Variants in SEC11A observed in about 807,000 individuals in gnomAD.
SEC11A encodes signal peptidase complex catalytic subunit SEC11A.
In SEC11A, 14 loss-of-function variants were observed where a neutral mutation model predicts 25.6. The ratio of observed to expected loss-of-function variants is 0.55; its 90% CI spans 0.36 to 0.85. The LOEUF is 0.85. Among genes scored for constraint, SEC11A ranks in the 40% least tolerant of loss-of-function variants. SEC11A has a pLI of 0.01. For synonymous variants in SEC11A, 83 were observed against 76.4 expected (o/e 1.09, Z -0.45); for missense variants, 153 against 222.9 (o/e 0.69, Z 2.00).
chr15:84,694,246 T>G (rs1265340619), intron 1 of SEC11A, among the ~76,000 whole-genome samples: 1 of 151,502 alleles, frequency 6.6e-6, no homozygotes, highest in Non-Finnish European at 1.5e-5. Flanking sequence ...TCCCAGCTAC[T>G]CAAAAGGCTG....
intron 3 of SEC11A, among the ~76,000 whole-genome samples, chr15:84,685,320 T>C (rs1165295458): frequency 2.0e-5 from 3 of 152,198 alleles, no homozygotes; most frequent in East Asian, 1.9e-4. Flanking sequence ...TAAAGTGGCA[T>C]GATCTCGGCT....
At chr15:84,683,409 A>T (rs868235643) in intron 3 of SEC11A, among the ~76,000 whole-genome samples, 28 of 152,084 alleles carry the variant, frequency 1.8e-4, no homozygotes, top group African/African-American at 6.8e-4. Flanking sequence ...ACAAACAAAC[A>T]AACAAACAAA....
intron 2 of SEC11A, among the ~76,000 whole-genome samples, chr15:84,690,588 TC>T (rs1430647836): frequency 1.3e-5 from 2 of 149,820 alleles, no homozygotes; most frequent in East Asian, 4.0e-4. Flanking sequence ...CTGCACTCTA[TC>T]CTGGGTAACA....
chr15:84,697,498 G>A (rs1452584990), intron 1 of SEC11A, among the ~76,000 whole-genome samples: 1 of 152,098 alleles, frequency 6.6e-6, no homozygotes, highest in Admixed American at 6.6e-5. Context: ...TTCCTTAAAA[G>A]GTACCTATTT....
chr15:84,688,600 A>G (rs966685587), intron 2 of SEC11A, among the ~76,000 whole-genome samples: 5 of 152,244 alleles, frequency 3.3e-5, no homozygotes, highest in African/African-American at 1.2e-4. Flanking sequence ...AAGAATAGAA[A>G]GACAAGAAAT....
intron 3 of SEC11A, chr15:84,686,514 G>A (rs150079613): frequency 0.063 from 9,539 of 152,358 alleles, 353 homozygotes; most frequent in East Asian, 0.13. Flanking sequence ...AGAAGGCTGA[G>A]GCATGAGAAT....
intron 4 of SEC11A, among the ~76,000 whole-genome samples, chr15:84,680,301 A>G (rs976799069): frequency 5.9e-5 from 9 of 151,278 alleles, no homozygotes; most frequent in African/African-American, 2.2e-4. Context: ...ACTCCATCTC[A>G]AAAAAAAGAA....
intron 2 of SEC11A, among the ~76,000 whole-genome samples, chr15:84,689,678 G>A (rs183245613): frequency 1.1e-4 from 17 of 148,364 alleles, no homozygotes; most frequent in East Asian, 4.0e-4. Context: ...AGCGATCTCC[G>A]CTCACTGCAA....
intron 1 of SEC11A, among the ~76,000 whole-genome samples, chr15:84,694,582 T>C (rs955047981): frequency 2.6e-4 from 40 of 152,160 alleles, no homozygotes; most frequent in African/African-American, 9.4e-4. Context: ...TCATCTCTTC[T>C]AGCTATTCAT....
intron 2 of SEC11A, 96 bp from the exon 3 acceptor site, chr15:84,687,870 G>A (rs1316901139): frequency 6.8e-6 from 7 of 1,032,730 alleles, no homozygotes; most frequent in Non-Finnish European, 9.7e-6. Context: ...ATATCACTTT[G>A]GGAGTATACT....
rs1449149499 is a variant in SEC11A at position 84,687,739 on chromosome 15, A to C, written c.197T>G (p.Leu66Arg). Residue 66 changes from leucine (L) to arginine (R), a missense_variant, in exon 3 of 6, where the codon CTT (leucine) becomes CGT (arginine). Physicochemically the swap from Leu to Arg is moderately radical, Grantham distance 102 (BLOSUM62 -2). Transcript: ENST00000268220. ...TTCAACTCGATTTGTTAGAAAGAGA[A>C]GATCTCCTCTATGAAATGCAGGTTC... is the stretch of plus-strand genomic sequence containing the variant. ...SMEPAFHRGD[L>R]LFLTNRVEDP... 6.2e-7 allele frequency: 1 copy of C among 1,603,074 alleles called. No homozygotes were observed. The highest frequency in any genetic ancestry group is 8.5e-7 in the Non-Finnish European group (1 of 1,177,496).
At chr15:84,688,091 A>AAT (rs1376596864) in intron 2 of SEC11A, among the ~76,000 whole-genome samples, 1 of 152,206 alleles carries the variant, frequency 6.6e-6, no homozygotes, top group Non-Finnish European at 1.5e-5. Context: ...TGACAAACAG[A>AAT]ATATAAAAGA....
chr15:84,677,541 C>T lies in SEC11A; in HGVS notation c.431+3172G>A, dbSNP rs539204056. On this transcript the variant is annotated intron_variant, in intron 4 of 5. Coordinates refer to ENST00000268220, the MANE Select transcript of SEC11A (RefSeq NM_014300.4). The stretch of plus-strand genomic sequence containing the variant: ...AGGCTGGAGTGCAGTGGCGTGATCT[C>T]GGCTCACTGCAAGCTCCACCTCCCG... Among the ~76,000 whole-genome samples the T allele has an allele frequency of 5.4e-5, 8 of 149,470 alleles. No individual in the cohort carries two copies. In the East Asian group the frequency reaches 5.9e-4, roughly 11 times the overall value.
chr15:84,704,437 C>T (rs1168169384), intron 1 of SEC11A, among the ~76,000 whole-genome samples: 1 of 152,150 alleles, frequency 6.6e-6, no homozygotes, highest in Non-Finnish European at 1.5e-5. Flanking sequence ...AACTCCAAAT[C>T]CACCCTCCTT....
chr15:84,691,342 G>A (rs921606639), intron 2 of SEC11A, among the ~76,000 whole-genome samples, 193 bp downstream of exon 2: 50 of 152,218 alleles, frequency 3.3e-4, no homozygotes, highest in African/African-American at 1.2e-3. Context: ...CCAAATTGGT[G>A]GGATTACAGG....
chr15:84,687,889 T>A lies in SEC11A; in HGVS notation c.162-115A>T, dbSNP rs992777697. On this transcript the variant is annotated intron_variant, in intron 2 of 5. Coordinates refer to ENST00000268220, the MANE Select transcript of SEC11A (RefSeq NM_014300.4). Reference sequence around the variant, plus strand: ...CACTTTGGGAGTATACTCAATACCCTAACAACTATATCAACAGAAATGTGT... The same window carrying A: ...CACTTTGGGAGTATACTCAATACCCAAACAACTATATCAACAGAAATGTGT... The A allele has an allele frequency of 6.2e-6, 5 of 803,038 alleles. No homozygotes were observed. The South Asian group carries it at 9.2e-5, about 15-fold the overall frequency. The allele number at this position is 803,038 out of a possible 1,614,324, so 49.7% of individuals were successfully genotyped here. A position where few individuals can be genotyped will look rare whatever the true frequency, so the allele number is the denominator to read the frequency against.
At chr15:84,709,288 C>T (rs923430288) in intron 1 of SEC11A, among the ~76,000 whole-genome samples, 8 of 152,022 alleles carry the variant, frequency 5.3e-5, no homozygotes, top group African/African-American at 1.9e-4. Context: ...GCCTCAGCCT[C>T]CCTGAGCAGC....
At chr15:84,696,276 A>G (rs1596078433) in intron 1 of SEC11A, among the ~76,000 whole-genome samples, 2 of 152,214 alleles carry the variant, frequency 1.3e-5, no homozygotes, top group East Asian at 3.9e-4. Context: ...CCTAAATTCT[A>G]TGTTTTCAAG....
intron 1 of SEC11A, among the ~76,000 whole-genome samples, chr15:84,699,574 A>G (rs1897866867): frequency 1.3e-5 from 2 of 152,114 alleles, no homozygotes; most frequent in Admixed American, 1.3e-4. Flanking sequence ...TCCAGACCAC[A>G]GGGCAAAGGA....
Sources: gnomAD v4.1 joint callset for allele counts (sites outside exome capture counted in the v4.1 genomes callset) on GRCh38, gnomAD v4.1.1 for gene constraint, MANE v1.5 for transcripts, NCBI Gene and HGNC (gene_info 2026-07-23, HGNC 2026-07-21) for gene names.